Variants in SMARCD3 observed in about 807,000 individuals in gnomAD.
SMARCD3 encodes the protein SWI/SNF related BAF chromatin remodeling complex subunit D3.
In SMARCD3, 14 loss-of-function variants were observed where a neutral mutation model predicts 58.0. The observed-to-expected ratio is 0.24, with a 90% CI of 0.16 to 0.38. The LOEUF (loss-of-function observed/expected upper bound fraction) is 0.38. SMARCD3 is among the 10% of genes least tolerant of loss of function. The pLI is 1.00. For missense variants in SMARCD3, 408 were observed against 636.9 expected (o/e 0.64, Z 3.87); for synonymous variants, 253 against 253.8 (o/e 1.00, Z 0.03).
chr7:151,273,411 TAGG>T (rs772697221), intron 2 of SMARCD3, among the ~76,000 whole-genome samples: 99 of 152,268 alleles, frequency 6.5e-4, no homozygotes, highest in Non-Finnish European at 1.1e-3. Context: ...TGTCAAATAT[TAGG>T]AGGACTCTCC....
rs1802968827 is a variant in SMARCD3, at chr7:151,241,185, A to G, written c.939+307T>C. 1 of 415,202 alleles carries G rather than the reference A, an allele frequency of 2.4e-6. No homozygotes were observed. Among genetic ancestry groups the G allele is most frequent in the African/African-American group, 2.0e-5 (1 of 49,130 alleles). 25.7% of individuals were successfully genotyped at this position (415,202 alleles called of 1,614,324 possible). A position where few individuals can be genotyped will look rare whatever the true frequency, so the allele number is the denominator to read the frequency against. ...TTACCCAGAGTCCAGACTCAGGACT[A>G]GAACCTGGGGATCCTAACTCCAAGT... On this transcript the variant is annotated intron_variant, in intron 8 of 12. Transcript: ENST00000262188. The surrounding 1 kb of genome is among the most constrained non-coding windows in gnomAD (Gnocchi z 5.3).
At chr7:151,240,913 G>A (rs991893495) in intron 8 of SMARCD3, 5 of 263,628 alleles carry the variant, frequency 1.9e-5, no homozygotes, top group Non-Finnish European at 2.9e-5. Flanking sequence ...TACACATAAA[G>A]TGCTTGGGAC....
At chr7:151,276,956 G>A (rs1795366060), upstream of SMARCD3, 1 of 148,764 alleles carries the variant, frequency 6.7e-6, no homozygotes, top group Admixed American at 6.7e-5. Flanking sequence ...AGGAGGAGGA[G>A]GAGGATGCCA....
intron 2 of SMARCD3, among the ~76,000 whole-genome samples, chr7:151,265,027 G>A (rs1663183242): frequency 6.6e-6 from 1 of 152,190 alleles, no homozygotes; most frequent in Non-Finnish European, 1.5e-5. Context: ...AGCTCCCTGA[G>A]GCTCTGACCA....
At chr7:151,252,043 G>A (rs1803536053), upstream of SMARCD3, among the ~76,000 whole-genome samples, 1 of 151,938 alleles carries the variant, frequency 6.6e-6, no homozygotes, top group African/African-American at 2.4e-5. Context: ...CGCGGCGGCC[G>A]GGGAGGCGGC....
chr7:151,239,438 C>G lies in SMARCD3; in HGVS notation c.1356G>C (p.Gln452His). 6.2e-7 allele frequency: 1 copy of G among 1,613,856 alleles called. No homozygotes were observed. ...EEERRAEFYH[Q>H]PWSQEAVSRY... ...GACTGACGGCCTCCTGGGACCAGGG[C>G]TGGTGGTAGAACTCAGCCCGGCGCT... Residue 452 changes from glutamine (Q) to histidine (H), a missense_variant, in exon 12 of 13, where the codon CAG becomes CAC. Physicochemically the swap from Gln to His is conservative, Grantham distance 24. Coordinates refer to ENST00000262188, the MANE Select transcript of SMARCD3 (RefSeq NM_001003801.2). This position sits in a 1 kb window ranked among gnomAD's most constrained non-coding sequence, Gnocchi z 7.0.
chr7:151,274,701 T>C (rs951067598), intron 2 of SMARCD3, among the ~76,000 whole-genome samples: 17 of 152,222 alleles, frequency 1.1e-4, no homozygotes, highest in African/African-American at 4.1e-4. Context: ...TGCACGTATG[T>C]GCACGCTTCT....
intron 2 of SMARCD3, among the ~76,000 whole-genome samples, chr7:151,259,720 C>T (rs902336740): frequency 2.7e-5 from 4 of 148,610 alleles, no homozygotes; most frequent in African/African-American, 1.0e-4. Context: ...AGCGATCCTC[C>T]TGCCTCAGCC....
At chr7:151,247,789 C>T (rs1803342645) in intron 1 of SMARCD3, among the ~76,000 whole-genome samples, 1 of 152,088 alleles carries the variant, frequency 6.6e-6, no homozygotes, top group Non-Finnish European at 1.5e-5. Context: ...GACAGTGCTC[C>T]CCTGTCCCTT....
intron 2 of SMARCD3, among the ~76,000 whole-genome samples, chr7:151,256,397 C>T (rs1798988124): frequency 6.6e-6 from 1 of 151,996 alleles, no homozygotes; most frequent in Non-Finnish European, 1.5e-5. Flanking sequence ...TCTCGAACTC[C>T]TGACCTCAAG....
Position 151,242,708 on chromosome 7 carries a change from C to G in SMARCD3, c.456+13G>C. 1 of 1,614,082 alleles carries G rather than the reference C, an allele frequency of 6.2e-7. No homozygotes were observed. Among genetic ancestry groups the G allele is most frequent in the Non-Finnish European group, 8.5e-7 (1 of 1,179,986 alleles). On this transcript the variant is annotated intron_variant, in intron 4 of 12. Coordinates refer to ENST00000262188, the MANE Select transcript of SMARCD3 (RefSeq NM_001003801.2). The surrounding 1 kb of genome is among the most constrained non-coding windows in gnomAD (Gnocchi z 4.7). The stretch of plus-strand genomic sequence containing the variant: ...AACTCTAGAGTCCCCTTCCTACCCC[C>G]GAACTAAGGCACCTTCATGGGCCTC...
chr7:151,263,197 A>G (rs1230991385), intron 2 of SMARCD3, among the ~76,000 whole-genome samples: 2 of 151,882 alleles, frequency 1.3e-5, no homozygotes, highest in Non-Finnish European at 2.9e-5. Context: ...TAGCCCAGAG[A>G]CTGTGGGCAG....
At position 151,239,621 on chromosome 7, in the gene SMARCD3, C is replaced by T; in HGVS notation, c.1296+3G>A. On this transcript the variant is annotated splice_donor_region_variant and intron_variant, in intron 11 of 12. Coordinates refer to ENST00000262188, the MANE Select transcript of SMARCD3 (RefSeq NM_001003801.2). This position sits in a 1 kb window ranked among gnomAD's most constrained non-coding sequence, Gnocchi z 7.0. The stretch of plus-strand genomic sequence containing the variant: ...CCAGTACTCCCTGAGTCTCCCTCTT[C>T]ACCTTGAGGTCCCGGCTCTGGGAGC... 1.9e-6 allele frequency: 3 copies of T among 1,614,124 alleles called. No individual in the cohort carries two copies. Among genetic ancestry groups the T allele is most frequent in the East Asian group, 2.2e-5 (1 of 44,874 alleles).
intron 2 of SMARCD3, among the ~76,000 whole-genome samples, chr7:151,261,147 G>A (rs1355293139): frequency 1.3e-5 from 2 of 152,240 alleles, no homozygotes; most frequent in Non-Finnish European, 2.9e-5. Context: ...GCCCTGGGCA[G>A]GGTCTCTGCA....
intron 2 of SMARCD3, among the ~76,000 whole-genome samples, chr7:151,269,780 C>T (rs1013418014): frequency 6.6e-6 from 1 of 152,112 alleles, no homozygotes; most frequent in African/African-American, 2.4e-5. Context: ...GAGGGGCGCT[C>T]GGTGAACGCA....
Position 151,241,914 on chromosome 7 carries a change from C to G in SMARCD3, c.740G>C (p.Ser247Thr), listed in dbSNP as rs746045536. ...CATGAGGAGCAGCGTGCAGCGCACA[C>G]TCAGGTCCCCAGGCCGTTTCACCTG... ...GFQVKRPGDL[S>T]VRCTLLLMLD... The change falls in exon 7 of 13, where the codon AGT becomes ACT. Residue 247 changes from serine (S) to threonine (T), a missense_variant. By Grantham distance (58) the Ser-to-Thr change is moderately conservative (BLOSUM62 1). Transcript: ENST00000262188. This position sits in a 1 kb window ranked among gnomAD's most constrained non-coding sequence, Gnocchi z 5.3. 89 of 1,612,764 alleles carry G rather than the reference C, an allele frequency of 5.5e-5. No homozygotes were observed. Among genetic ancestry groups the G allele is most frequent in the Non-Finnish European group, 7.2e-5 (85 of 1,179,576 alleles).
At chr7:151,277,124 T>C (rs564370360), upstream of SMARCD3, 30 of 150,588 alleles carry the variant, frequency 2.0e-4, no homozygotes, top group Non-Finnish European at 3.0e-4. Flanking sequence ...CGCTCCCTGC[T>C]CGGCGCTCGG....
Position 151,246,420 on chromosome 7 carries a change from GAGGCA to G in SMARCD3, c.79-754_79-750del, listed in dbSNP as rs1195723139. ...TAATTTGCTCCCAGGGTGAGGGCTGGAGGCAGGGCAGGCAAGGGCAGCCTGCTGGG... is the reference window on the plus strand; with the variant it reads ...TAATTTGCTCCCAGGGTGAGGGCTGGGGGCAGGCAAGGGCAGCCTGCTGGG... On this transcript the variant is annotated intron_variant, in intron 1 of 12. Coordinates refer to ENST00000262188, the MANE Select transcript of SMARCD3 (RefSeq NM_001003801.2). This position sits in a 1 kb window ranked among gnomAD's most constrained non-coding sequence, Gnocchi z 4.4. 1.3e-5 allele frequency among the ~76,000 whole-genome samples: 2 copies of G among 152,188 alleles called. No individual in the cohort carries two copies. Among genetic ancestry groups the G allele is most frequent in the East Asian group, 3.9e-4 (2 of 5,180 alleles).
Position 151,245,334 on chromosome 7 carries a change from A to G in SMARCD3, c.290+126T>C. 1 of 396,442 alleles carries G rather than the reference A, an allele frequency of 2.5e-6. No individual in the cohort carries two copies. The highest frequency in any genetic ancestry group is 4.3e-6 in the Non-Finnish European group (1 of 231,854). The allele number at this position is 396,442 out of a possible 1,614,324, so 24.6% of individuals were successfully genotyped here. A position where few individuals can be genotyped will look rare whatever the true frequency, so the allele number is the denominator to read the frequency against. On this transcript the variant is annotated intron_variant, in intron 2 of 12. Transcript: ENST00000262188. This position sits in a 1 kb window ranked among gnomAD's most constrained non-coding sequence, Gnocchi z 6.2. ...CTCCCCAGAGGGCATTCGACCCGGG[A>G]AGCCTCGCTCCCTGCTAATCATTCT...
Sources: gnomAD v4.1 joint callset for allele counts (sites outside exome capture counted in the v4.1 genomes callset) on GRCh38, gnomAD v4.1.1 for gene constraint, Gnocchi (gnomAD v3.1) non-coding constraint, MANE v1.5 for transcripts, NCBI Gene and HGNC (gene_info 2026-07-23, HGNC 2026-07-21) for gene names.